Variants in GABRG3 observed in about 807,000 individuals in gnomAD.
GABRG3 encodes the protein gamma-aminobutyric acid type A receptor subunit gamma3.
GABRG3 carries 25 observed loss-of-function variants against 48.8 expected under a neutral mutation model. That is an observed-to-expected ratio of 0.51 (90% CI 0.37 to 0.72). The LOEUF is 0.72. GABRG3 is among the 30% of genes least tolerant of loss of function. The pLI is 0.00. For missense variants in GABRG3, 394 were observed against 577.9 expected (o/e 0.68, Z 3.26); for synonymous variants, 227 against 217.6 (o/e 1.04, Z -0.38).
At chr15:27,067,106 T>C (rs1317642353) in intron 3 of GABRG3, among the ~76,000 whole-genome samples, 20 of 152,190 alleles carry the variant, frequency 1.3e-4, no homozygotes, top group Non-Finnish European at 8.8e-5. Context: ...CCAGCCTCCC[T>C]GCGGCTGCAC....
chr15:26,996,288 T>C (rs1432277895), intron 2 of GABRG3, among the ~76,000 whole-genome samples: 1 of 152,180 alleles, frequency 6.6e-6, no homozygotes, highest in Non-Finnish European at 1.5e-5. Context: ...TTTCTTGTAA[T>C]GCAGGTGCAT....
intron 6 of GABRG3, among the ~76,000 whole-genome samples, chr15:27,490,993 C>T (rs907140840): frequency 1.3e-5 from 2 of 151,576 alleles, no homozygotes; most frequent in African/African-American, 4.8e-5. Context: ...AGTTCACCTT[C>T]TCCTTTTGAT....
At chr15:27,272,930 G>A (rs1475642925) in intron 3 of GABRG3, among the ~76,000 whole-genome samples, 1 of 152,164 alleles carries the variant, frequency 6.6e-6, no homozygotes, top group Non-Finnish European at 1.5e-5. Context: ...CATATAAAGG[G>A]TCATAGAGTA....
intron 5 of GABRG3, among the ~76,000 whole-genome samples, chr15:27,442,194 C>T (rs1163520284): frequency 6.6e-6 from 1 of 152,146 alleles, no homozygotes; most frequent in Non-Finnish European, 1.5e-5. Flanking sequence ...GGTGATGCAC[C>T]AAGCCGGGCT....
chr15:27,532,997 G>C lies in GABRG3; in HGVS notation c.*116G>C. On this transcript the variant is annotated 3_prime_UTR_variant, in exon 10 of 10. Coordinates refer to ENST00000615808, the MANE Select transcript of GABRG3 (RefSeq NM_033223.5). ...GGAAGGACACTGCCCAGTGTATCTT[G>C]TTATAAATGACCTTTCAGCAACACA... 1.0e-6 allele frequency: 1 copy of C among 958,464 alleles called. No homozygotes were observed. The highest frequency in any genetic ancestry group is 1.5e-6 in the Non-Finnish European group (1 of 656,234). 59.4% of individuals were successfully genotyped at this position (958,464 alleles called of 1,614,324 possible). A position where few individuals can be genotyped will look rare whatever the true frequency, so the allele number is the denominator to read the frequency against.
At chr15:27,108,699 C>T (rs1897493273) in intron 3 of GABRG3, among the ~76,000 whole-genome samples, 1 of 152,182 alleles carries the variant, frequency 6.6e-6, no homozygotes, top group Non-Finnish European at 1.5e-5. Flanking sequence ...GTGGATGTCT[C>T]TGTTTCTCCT....
At chr15:27,178,348 A>T (rs1887813704) in intron 3 of GABRG3, among the ~76,000 whole-genome samples, 1 of 152,212 alleles carries the variant, frequency 6.6e-6, no homozygotes, top group Non-Finnish European at 1.5e-5. Flanking sequence ...CTCTTGACAA[A>T]AACTCTGCAA....
chr15:27,526,028 G>T (rs184818234), intron 7 of GABRG3, among the ~76,000 whole-genome samples: 1 of 152,234 alleles, frequency 6.6e-6, no homozygotes, highest in Admixed American at 6.5e-5. Flanking sequence ...GACTTTTCCA[G>T]TTTACATAGC....
chr15:27,510,420 C>T (rs1890868771), intron 6 of GABRG3, among the ~76,000 whole-genome samples: 1 of 152,170 alleles, frequency 6.6e-6, no homozygotes. Flanking sequence ...TTCCACCATT[C>T]CCCTGTTGCA....
At chr15:27,388,062 A>T in intron 5 of GABRG3, among the ~76,000 whole-genome samples, 1 of 93,246 alleles carries the variant, frequency 1.1e-5, no homozygotes, top group South Asian at 4.5e-4. Flanking sequence ...GGTGGGAGGG[A>T]GGGTAAGGAA....
At chr15:27,043,307 T>C (rs1474317512) in intron 3 of GABRG3, among the ~76,000 whole-genome samples, 1 of 152,212 alleles carries the variant, frequency 6.6e-6, no homozygotes, top group Non-Finnish European at 1.5e-5. Flanking sequence ...CAGTTAAGGA[T>C]TGTTAAAGAG....
rs1035865113 is a variant in GABRG3, at chr15:27,407,409, T to C, written c.575-73241T>C. ...ACTTTGGAGACAGTTTGGCAGCTTCTTACAAAACTAAACATACTCTTACCA... is the reference window on the plus strand; with the variant it reads ...ACTTTGGAGACAGTTTGGCAGCTTCCTACAAAACTAAACATACTCTTACCA... On this transcript the variant is annotated intron_variant, in intron 5 of 9. Coordinates refer to ENST00000615808, the MANE Select transcript of GABRG3 (RefSeq NM_033223.5). 2.0e-5 allele frequency among the ~76,000 whole-genome samples: 3 copies of C among 152,162 alleles called. No individual in the cohort carries two copies. In the East Asian group the frequency reaches 5.8e-4, roughly 29 times the overall value.
At chr15:27,250,104 A>T (rs552743564) in intron 3 of GABRG3, among the ~76,000 whole-genome samples, 1 of 152,158 alleles carries the variant, frequency 6.6e-6, no homozygotes, top group African/African-American at 2.4e-5. Context: ...AGCCCCCACC[A>T]GGTGCTCTGT....
At chr15:27,330,533 A>G (rs1428667096) in intron 5 of GABRG3, among the ~76,000 whole-genome samples, 2 of 152,266 alleles carry the variant, frequency 1.3e-5, no homozygotes, top group Admixed American at 6.5e-5. Context: ...TTGTTCTGTC[A>G]TACTGTAAAA....
chr15:27,167,406 G>A (rs1887413279), intron 3 of GABRG3, among the ~76,000 whole-genome samples: 1 of 152,170 alleles, frequency 6.6e-6, no homozygotes, highest in South Asian at 2.1e-4. Flanking sequence ...AGCACCCAAG[G>A]TGCAAAAACC....
intron 7 of GABRG3, among the ~76,000 whole-genome samples, chr15:27,525,707 A>T (rs1279796717): frequency 6.6e-6 from 1 of 152,190 alleles, no homozygotes; most frequent in Admixed American, 6.5e-5. Flanking sequence ...TCACATTTTT[A>T]AAAGCTGAAT....
At chr15:27,055,751 C>T (rs1896534433) in intron 3 of GABRG3, among the ~76,000 whole-genome samples, 2 of 151,906 alleles carry the variant, frequency 1.3e-5, no homozygotes, top group Admixed American at 1.3e-4. Flanking sequence ...CTTCTGGTCC[C>T]ATGCATTTCA....
chr15:27,052,795 G>T (rs772392740), intron 3 of GABRG3, among the ~76,000 whole-genome samples: 4 of 152,144 alleles, frequency 2.6e-5, no homozygotes, highest in Non-Finnish European at 4.4e-5. Flanking sequence ...AAAATAGCAT[G>T]GTACTGGCAC....
intron 5 of GABRG3, among the ~76,000 whole-genome samples, chr15:27,376,724 G>A (rs1385758377): frequency 6.6e-6 from 1 of 152,156 alleles, no homozygotes; most frequent in Non-Finnish European, 1.5e-5. Context: ...CTTGAGCACA[G>A]CCCATGAAAA....
Sources: gnomAD v4.1 joint callset for allele counts (sites outside exome capture counted in the v4.1 genomes callset) on GRCh38, gnomAD v4.1.1 for gene constraint, MANE v1.5 for transcripts, NCBI Gene and HGNC (gene_info 2026-07-23, HGNC 2026-07-21) for gene names.